Variants in PLA2G7 observed in about 807,000 individuals in gnomAD.
The protein encoded by PLA2G7 is platelet-activating factor acetylhydrolase.
A neutral mutation model predicts 49.6 loss-of-function variants in PLA2G7; 63 were observed. The observed-to-expected ratio is 1.27, with a 90% CI of 1.04 to 1.57. The LOEUF is 1.57. PLA2G7 is among the 40% of genes most tolerant of loss of function. The pLI, the probability that PLA2G7 is intolerant of heterozygous loss-of-function variation, is 0.00. For synonymous variants in PLA2G7, 193 were observed against 169.9 expected, an observed-to-expected ratio of 1.14 and a Z score of -1.06; for missense variants, 596 against 521.2, an observed-to-expected ratio of 1.14 and a Z score of -1.40.
At position 46,713,171 on chromosome 6, in the gene PLA2G7, C is replaced by T. The variant is rs911246030; in HGVS notation, c.471-834G>A. Reference sequence around the variant, plus strand: ...CTAAGCACTGCATTTATGCCCTCTTCCACAGCTTCATTTGCACAACCTTTT... The same window carrying T: ...CTAAGCACTGCATTTATGCCCTCTTTCACAGCTTCATTTGCACAACCTTTT... On this transcript the variant is annotated intron_variant, in intron 5 of 11. Transcript: ENST00000274793. Among the ~76,000 whole-genome samples the T allele has an allele frequency of 2.6e-5, 4 of 152,276 alleles. No homozygotes were observed. The South Asian group carries it at 8.3e-4, about 32-fold the overall frequency.
chr6:46,711,025 G>T (rs1036025982), intron 7 of PLA2G7, among the ~76,000 whole-genome samples: 1 of 152,108 alleles, frequency 6.6e-6, no homozygotes, highest in African/African-American at 2.4e-5. Context: ...TAACTTAACT[G>T]CCCTAATAGC....
At position 46,711,585 on chromosome 6, in the gene PLA2G7, C is replaced by T; in HGVS notation, c.574G>A (p.Asp192Asn). ...RSASATYYFK[D>N]QSAAEIGDKS... ...TCCCCTATTTCTGCAGCAGATTGGT[C>T]CTTGAAATAGTAAGTTGCAGATGCA... Residue 192 changes from aspartate to asparagine, a missense_variant, in exon 7 of 12, where the codon GAC becomes AAC. Asp to Asn is a conservative substitution (Grantham distance 23, BLOSUM62 1). Coordinates refer to ENST00000274793, the MANE Select transcript of PLA2G7 (RefSeq NM_005084.4). The T allele has an allele frequency of 6.2e-7, 1 of 1,613,594 alleles. No homozygotes were observed. The highest frequency in any genetic ancestry group is 8.5e-7 in the Non-Finnish European group (1 of 1,179,588).
At chr6:46,711,381 G>T in intron 7 of PLA2G7, 115 bp downstream of exon 7, 1 of 1,129,834 alleles carries the variant, frequency 8.9e-7, no homozygotes. Context: ...TTTTGGGAAT[G>T]GGAAATAGGA....
intron 1 of PLA2G7, among the ~76,000 whole-genome samples, chr6:46,734,916 C>A (rs1422277271): frequency 6.6e-6 from 1 of 152,194 alleles, no homozygotes; most frequent in Admixed American, 6.5e-5. Context: ...ATTCTCCCCC[C>A]AGCTCTGAGC....
At chr6:46,713,424 G>T (rs1160537956) in intron 5 of PLA2G7, among the ~76,000 whole-genome samples, 1 of 152,154 alleles carries the variant, frequency 6.6e-6, no homozygotes, top group Non-Finnish European at 1.5e-5. Flanking sequence ...GACAAAAGTA[G>T]CCATAGACAG....
In PLA2G7 at chr6:46,704,271, G is replaced by A. The variant is rs905222048; in HGVS notation, c.*289C>T. ...TAATGTAAAAACAGTTTTTAACTTCGACACTGAAAAGGAATCATCTTTAAA... is the reference window on the plus strand; with the variant it reads ...TAATGTAAAAACAGTTTTTAACTTCAACACTGAAAAGGAATCATCTTTAAA... On this transcript the variant is annotated 3_prime_UTR_variant, in exon 12 of 12. Coordinates refer to ENST00000274793, the MANE Select transcript of PLA2G7 (RefSeq NM_005084.4). 1 of 302,604 alleles carries A rather than the reference G, an allele frequency of 3.3e-6. No homozygotes were observed. Among genetic ancestry groups the A allele is most frequent in the Non-Finnish European group, 6.3e-6 (1 of 159,348 alleles). The allele number at this position is 302,604 out of a possible 1,614,324, so 18.7% of individuals were successfully genotyped here.
intron 5 of PLA2G7, among the ~76,000 whole-genome samples, chr6:46,713,807 C>G (rs1239706219): frequency 6.6e-6 from 1 of 152,184 alleles, no homozygotes; most frequent in Non-Finnish European, 1.5e-5. Context: ...CCCTCTGTAT[C>G]CATCACCATG....
chr6:46,714,135 T>C (rs1315645219), intron 5 of PLA2G7, among the ~76,000 whole-genome samples: 1 of 152,222 alleles, frequency 6.6e-6, no homozygotes, highest in Non-Finnish European at 1.5e-5. Context: ...CCAGCTAATC[T>C]AAAATTGGTT....
In PLA2G7 at chr6:46,710,536, A is replaced by G. The variant is rs202146187; in HGVS notation, c.777+9T>C. ...TAGGACAAGAGAAAAATTACTTTTT[A>G]TAGCTTACCTTCAGTTGTTCCATAT... On this transcript the variant is annotated intron_variant, in intron 8 of 11. Transcript: ENST00000274793. The G allele has an allele frequency of 1.2e-5, 18 of 1,521,526 alleles. No homozygotes were observed. Among genetic ancestry groups the G allele is most frequent in the Non-Finnish European group, 1.5e-5 (16 of 1,095,796 alleles). 94.3% of individuals were successfully genotyped at this position (1,521,526 alleles called of 1,614,324 possible).
At chr6:46,734,521 C>CTACAGATAA (rs1383894616) in intron 1 of PLA2G7, among the ~76,000 whole-genome samples, 1 of 133,724 alleles carries the variant, frequency 7.5e-6, no homozygotes, top group African/African-American at 2.7e-5. Flanking sequence ...TGTAGGAGAT[C>CTACAGATAA]TACAGATAAG....
chr6:46,733,285 G>C (rs1329622648), intron 1 of PLA2G7, among the ~76,000 whole-genome samples: 1 of 152,208 alleles, frequency 6.6e-6, no homozygotes, highest in Non-Finnish European at 1.5e-5. Flanking sequence ...AGACACAATG[G>C]AGAGGAAATG....
intron 5 of PLA2G7, among the ~76,000 whole-genome samples, chr6:46,713,749 T>TG (rs1765108726): frequency 6.6e-6 from 1 of 152,188 alleles, no homozygotes; most frequent in African/African-American, 2.4e-5. Flanking sequence ...CACTCAGCTA[T>TG]CATGCTACAG....
chr6:46,717,171 G>T, intron 2 of PLA2G7, 75 bp from the exon 3 acceptor site: 1 of 1,341,040 alleles, frequency 7.5e-7, no homozygotes, highest in Non-Finnish European at 1.1e-6. Context: ...GAATTCCAAC[G>T]GAATCAAGTT....
intron 9 of PLA2G7, among the ~76,000 whole-genome samples, chr6:46,708,782 A>G (rs1231792604): frequency 6.6e-6 from 1 of 152,174 alleles, no homozygotes; most frequent in Non-Finnish European, 1.5e-5. Flanking sequence ...AGTTTCAAAA[A>G]TGATCCTGCC....
At chr6:46,714,575 T>C (rs939950668) in intron 4 of PLA2G7, 22 bp from the exon 5 acceptor site, 2 of 1,392,850 alleles carry the variant, frequency 1.4e-6, no homozygotes, top group South Asian at 1.2e-5. Context: ...TGGAAGGTTA[T>C]AGTTAAGGTT....
At chr6:46,708,269 T>C (rs1458892004) in intron 9 of PLA2G7, 108 bp from the exon 10 acceptor site, 3 of 836,282 alleles carry the variant, frequency 3.6e-6, no homozygotes, top group Non-Finnish European at 4.2e-6. Flanking sequence ...TACCAGTTTA[T>C]TATGGGTTAT....
intron 2 of PLA2G7, among the ~76,000 whole-genome samples, chr6:46,722,423 G>C (rs1005122834): frequency 3.9e-5 from 6 of 152,100 alleles, no homozygotes; most frequent in Non-Finnish European, 7.4e-5. Context: ...TCTTGGAGTG[G>C]ACTCCAGACC....
chr6:46,727,973 C>T (rs1765621191), intron 1 of PLA2G7, among the ~76,000 whole-genome samples: 1 of 152,130 alleles, frequency 6.6e-6, no homozygotes, highest in South Asian at 2.1e-4. Context: ...AATTATGTTG[C>T]TTTAAGTGAC....
chr6:46,734,457 A>AC (rs1765843395), intron 1 of PLA2G7, among the ~76,000 whole-genome samples: 2 of 124,794 alleles, frequency 1.6e-5, no homozygotes, highest in Non-Finnish European at 1.6e-5. Context: ...AGAGAGAGAG[A>AC]GAGAGAGAGA....
Sources: allele counts gnomAD v4.1 joint callset (sites outside exome capture counted in the v4.1 genomes callset), GRCh38; gene constraint gnomAD v4.1.1; transcripts MANE v1.5; gene names NCBI Gene and HGNC (gene_info 2026-07-23, HGNC 2026-07-21).